Variants in XYLT1 observed in about 807,000 individuals in gnomAD.
The protein encoded by XYLT1 is beta-D-xylosyltransferase 1.
Under a neutral mutation model 91.3 loss-of-function variants are expected in XYLT1, and 36 were observed. That is an observed-to-expected ratio of 0.39 (90% CI 0.30 to 0.52). XYLT1 has a LOEUF of 0.52. Among genes scored for constraint, XYLT1 ranks in the 20% least tolerant of loss-of-function variants. The probability of loss-of-function intolerance (pLI) is 0.68; values close to 1 mark genes in which losing one functional copy is unlikely to be tolerated. For synonymous variants in XYLT1, 588 were observed against 532.0 expected, an observed-to-expected ratio of 1.11 and a Z score of -1.45; for missense variants, 1,242 against 1,284.5, an observed-to-expected ratio of 0.97 and a Z score of 0.51.
At position 17,138,511 on chromosome 16, in the gene XYLT1, C is replaced by T. The variant is rs753086323; in HGVS notation, c.1608G>A (p.Leu536=). The part of the protein sequence containing the change: ...LPAESFFHTV[L]ENSPHCDTMV... ...TGGTGTCGCAGTGGGGGCTGTTCTC[C>T]AGGACCGTATGGAAGAAGGACTGCA... The change falls in exon 8 of 12, where the codon CTG becomes CTA. Residue 536 remains leucine, a synonymous_variant. Transcript: ENST00000261381. 1 of 1,613,586 alleles carries T rather than the reference C, an allele frequency of 6.2e-7. No homozygotes were observed. Among genetic ancestry groups the T allele is most frequent in the East Asian group, 2.3e-5 (1 of 44,416 alleles).
Position 17,108,881 on chromosome 16 carries a change from C to A in XYLT1, c.2694G>T (p.Thr898=). 1 of 1,611,792 alleles carries A rather than the reference C, an allele frequency of 6.2e-7. No homozygotes were observed. Among genetic ancestry groups the A allele is most frequent in the Non-Finnish European group, 8.5e-7 (1 of 1,178,572 alleles). ...CCAGCCATCCCTCCAGCGCTGTGCC[C>A]GTGGAGGCTGCGTTCCTCCGTGCCT... The part of the protein sequence containing the change: ...VEQARRNAAS[T]GTALEGWLDS... The change falls in exon 12 of 12, where the codon ACG becomes ACT. Residue 898 remains threonine, a synonymous_variant. Coordinates refer to ENST00000261381, the MANE Select transcript of XYLT1 (RefSeq NM_022166.4).
Position 17,128,225 on chromosome 16 carries a change from C to T in XYLT1, c.2028-364G>A, listed in dbSNP as rs145936019. Among the ~76,000 whole-genome samples, 125 of 152,316 alleles carry T rather than the reference C, an allele frequency of 8.2e-4. 1 individual carries two copies. Among genetic ancestry groups the T allele is most frequent in the African/African-American group, 2.9e-3 (121 of 41,564 alleles). On this transcript the variant is annotated intron_variant, in intron 9 of 11. Coordinates refer to ENST00000261381, the MANE Select transcript of XYLT1 (RefSeq NM_022166.4). ...ATGGATTTCCCTTCGGCCTTATTTC[C>T]TATGCATCTATTTGCATAAATACTA...
intron 3 of XYLT1, among the ~76,000 whole-genome samples, chr16:17,243,188 A>G (rs2033374186): frequency 6.6e-6 from 1 of 152,208 alleles, no homozygotes; most frequent in South Asian, 2.1e-4. Flanking sequence ...TTAATAATTC[A>G]CACAGATCCT....
intron 2 of XYLT1, among the ~76,000 whole-genome samples, chr16:17,344,374 T>C (rs1567384436): frequency 6.7e-6 from 1 of 148,548 alleles, no homozygotes; most frequent in Non-Finnish European, 1.5e-5. Context: ...GCGCCTGTAG[T>C]CCCAGCTACT....
intron 1 of XYLT1, among the ~76,000 whole-genome samples, chr16:17,445,626 A>T (rs956484624): frequency 6.6e-6 from 1 of 152,206 alleles, no homozygotes; most frequent in African/African-American, 2.4e-5. Flanking sequence ...GTGCCGCCCC[A>T]GCATGGAGGC....
rs1162071460 is a variant in XYLT1 at position 17,107,545 on chromosome 16, A to T, written c.*1150T>A. ...TTGAGCCTGTGGCCGAAGGGCATGAAATTAAAAACCAAATCTGAAATGCTA... is the reference window on the plus strand; with the variant it reads ...TTGAGCCTGTGGCCGAAGGGCATGATATTAAAAACCAAATCTGAAATGCTA... On this transcript the variant is annotated 3_prime_UTR_variant, in exon 12 of 12. Coordinates refer to ENST00000261381, the MANE Select transcript of XYLT1 (RefSeq NM_022166.4). 1 of 152,618 alleles carries T rather than the reference A, an allele frequency of 6.6e-6. No homozygotes were observed. Among genetic ancestry groups the T allele is most frequent in the Non-Finnish European group, 1.5e-5 (1 of 68,030 alleles). 9.5% of individuals were successfully genotyped at this position (152,618 alleles called of 1,614,324 possible). A position where few individuals can be genotyped will look rare whatever the true frequency, so the allele number is the denominator to read the frequency against.
At chr16:17,210,194 A>AT (rs1200785602) in intron 3 of XYLT1, among the ~76,000 whole-genome samples, 5 of 152,182 alleles carry the variant, frequency 3.3e-5, no homozygotes, top group African/African-American at 1.2e-4. Context: ...TGTCCATCTA[A>AT]TTTTTTTAGA....
At chr16:17,205,279 C>A (rs1045759127) in intron 3 of XYLT1, among the ~76,000 whole-genome samples, 33 of 152,204 alleles carry the variant, frequency 2.2e-4, no homozygotes, top group Non-Finnish European at 8.8e-5. Context: ...AATCCTTGGG[C>A]TCCAAAGACA....
chr16:17,131,250 C>T (rs2030461425), intron 9 of XYLT1, among the ~76,000 whole-genome samples: 2 of 152,146 alleles, frequency 1.3e-5, no homozygotes, highest in Admixed American at 1.3e-4. Context: ...CCTCTGATGC[C>T]TCATCCTGAC....
intron 11 of XYLT1, among the ~76,000 whole-genome samples, chr16:17,116,821 G>T (rs534624752): frequency 1.3e-5 from 2 of 152,256 alleles, no homozygotes; most frequent in African/African-American, 4.8e-5. Context: ...TATCTGTCAC[G>T]CATTTCCCAA....
intron 3 of XYLT1, among the ~76,000 whole-genome samples, chr16:17,255,504 T>C (rs1406383319): frequency 2.0e-5 from 3 of 152,158 alleles, no homozygotes; most frequent in Non-Finnish European, 2.9e-5. Flanking sequence ...ATTTCGTTCA[T>C]GGAATGGCAT....
intron 2 of XYLT1, among the ~76,000 whole-genome samples, chr16:17,314,216 C>T (rs2034592091): frequency 6.6e-6 from 1 of 152,188 alleles, no homozygotes; most frequent in Non-Finnish European, 1.5e-5. Flanking sequence ...CAACAGGCCC[C>T]TTGTGTGTGG....
chr16:17,338,975 A>T (rs1408271950), intron 2 of XYLT1, among the ~76,000 whole-genome samples: 1 of 152,258 alleles, frequency 6.6e-6, no homozygotes, highest in African/African-American at 2.4e-5. Flanking sequence ...ACACTCCGCA[A>T]GGGAGAAACA....
At chr16:17,139,921 G>C (rs1466155052) in intron 7 of XYLT1, among the ~76,000 whole-genome samples, 1 of 152,226 alleles carries the variant, frequency 6.6e-6, no homozygotes, top group African/African-American at 2.4e-5. Flanking sequence ...CACTGCCCCA[G>C]ACACAGGTGA....
intron 1 of XYLT1, among the ~76,000 whole-genome samples, chr16:17,421,702 G>C (rs913796224): frequency 1.3e-5 from 2 of 152,212 alleles, no homozygotes; most frequent in Non-Finnish European, 2.9e-5. Context: ...AGCCCCAGTG[G>C]ACAACACATG....
chr16:17,208,060 C>G (rs2032688370), intron 3 of XYLT1, among the ~76,000 whole-genome samples: 1 of 151,844 alleles, frequency 6.6e-6, no homozygotes, highest in Non-Finnish European at 1.5e-5. Context: ...GATCATAGGT[C>G]ACTGCCACCT....
intron 2 of XYLT1, among the ~76,000 whole-genome samples, chr16:17,292,353 T>A (rs1008623766): frequency 6.6e-6 from 1 of 152,214 alleles, no homozygotes; most frequent in Non-Finnish European, 1.5e-5. Flanking sequence ...TTTGAATCTG[T>A]GTCACAGACG....
rs560338132 is a variant in XYLT1, at chr16:17,268,960, A to G, written c.403-9462T>C. 3.3e-5 allele frequency among the ~76,000 whole-genome samples: 5 copies of G among 152,280 alleles called. No individual in the cohort carries two copies. In the South Asian group the frequency reaches 1.0e-3, roughly 32 times the overall value. On this transcript the variant is annotated intron_variant, in intron 2 of 11. Transcript: ENST00000261381. ...AGTGCTGGAATTACAGGCGTGAGCC[A>G]CTGCGCCCAGCCGATAAATACTTTC...
intron 2 of XYLT1, among the ~76,000 whole-genome samples, chr16:17,313,110 G>A (rs1190033230): frequency 1.3e-5 from 2 of 152,202 alleles, no homozygotes; most frequent in African/African-American, 4.8e-5. Context: ...TGCCTCATCT[G>A]CTCTCAGGTT....
Sources: allele counts gnomAD v4.1 joint callset (sites outside exome capture counted in the v4.1 genomes callset), GRCh38; gene constraint gnomAD v4.1.1; transcripts MANE v1.5; gene names NCBI Gene and HGNC (gene_info 2026-07-23, HGNC 2026-07-21).